STOX2: variants seen among roughly 807,000 people sequenced by gnomAD.
STOX2 encodes the protein storkhead box 2.
Under a neutral mutation model 60.9 loss-of-function variants are expected in STOX2, and 28 were observed. That is an observed-to-expected ratio of 0.46 (90% confidence interval 0.34 to 0.63). The LOEUF is 0.63. Among genes scored for constraint, STOX2 ranks in the 30% least tolerant of loss-of-function variants. The pLI is 0.01. For synonymous variants in STOX2, 472 were observed against 463.9 expected (o/e 1.02, Z -0.22); for missense variants, 1,024 against 1,187.7 (o/e 0.86, Z 2.03).
chr4:183,878,253 G>GT (rs1005449115), intron 1 of STOX2, among the ~76,000 whole-genome samples: 1 of 152,172 alleles, frequency 6.6e-6, no homozygotes, highest in African/African-American at 2.4e-5. Context: ...CAGTGAACCT[G>GT]CCTGGTAAAG....
At chr4:183,884,848 G>A (rs1301128044) in intron 1 of STOX2, among the ~76,000 whole-genome samples, 1 of 152,136 alleles carries the variant, frequency 6.6e-6, no homozygotes, top group East Asian at 1.9e-4. Context: ...TGGGATCCCG[G>A]GAGTGAGAAT....
At chr4:183,905,154 G>C (rs1741551469), upstream of STOX2, among the ~76,000 whole-genome samples, 1 of 152,238 alleles carries the variant, frequency 6.6e-6, no homozygotes, top group African/African-American at 2.4e-5. Flanking sequence ...GTCGGGGTTA[G>C]CAGCAACGTG....
chr4:183,971,725 T>C (rs1389013123), intron 1 of STOX2, among the ~76,000 whole-genome samples: 1 of 152,230 alleles, frequency 6.6e-6, no homozygotes, highest in Non-Finnish European at 1.5e-5. Context: ...GCAGCAGTCC[T>C]AAAATAAAAG....
At chr4:183,881,460 C>CCT (rs879681101) in intron 1 of STOX2, among the ~76,000 whole-genome samples, 13 of 152,150 alleles carry the variant, frequency 8.5e-5, no homozygotes, top group Non-Finnish European at 1.9e-4. Context: ...TGAGATTGCA[C>CCT]CACTGCACTT....
intron 3 of STOX2, chr4:184,014,450 C>T (rs6810667): frequency 0.32 from 48,089 of 151,726 alleles, 8,212 homozygotes; most frequent in East Asian, 0.63. Context: ...GTGCTGTAGA[C>T]GCCTGGGGCC....
intron 1 of STOX2, among the ~76,000 whole-genome samples, chr4:183,968,815 G>A (rs1743657634): frequency 6.6e-6 from 1 of 152,112 alleles, no homozygotes; most frequent in Non-Finnish European, 1.5e-5. Flanking sequence ...TGGATAGAAA[G>A]GATAGAAGGT....
At chr4:183,963,545 G>A (rs1298668208) in intron 1 of STOX2, among the ~76,000 whole-genome samples, 2 of 151,034 alleles carry the variant, frequency 1.3e-5, no homozygotes, top group Non-Finnish European at 2.9e-5. Flanking sequence ...TCATGCCTCA[G>A]CCTCCTGAGT....
chr4:183,802,916 C>T (rs979379645), intron 1 of STOX2, among the ~76,000 whole-genome samples: 3 of 152,188 alleles, frequency 2.0e-5, no homozygotes, highest in Non-Finnish European at 4.4e-5. Flanking sequence ...CCACCGCACC[C>T]GGCCCGTATC....
At chr4:183,844,212 A>G (rs1739934536) in intron 1 of STOX2, among the ~76,000 whole-genome samples, 1 of 152,130 alleles carries the variant, frequency 6.6e-6, no homozygotes, top group South Asian at 2.1e-4. Context: ...CCAACCCTTA[A>G]CACTGTCTTG....
intron 1 of STOX2, among the ~76,000 whole-genome samples, chr4:183,949,008 A>C (rs962839931): frequency 6.6e-6 from 1 of 152,168 alleles, no homozygotes; most frequent in Non-Finnish European, 1.5e-5. Context: ...TAATTCCTGG[A>C]GACTATAAGA....
At chr4:183,955,613 C>T (rs1186806660) in intron 1 of STOX2, among the ~76,000 whole-genome samples, 1 of 152,162 alleles carries the variant, frequency 6.6e-6, no homozygotes, top group Non-Finnish European at 1.5e-5. Flanking sequence ...GTTGGATCCT[C>T]TGTCTTCTAG....
chr4:183,824,928 T>C (rs949552588), intron 1 of STOX2, among the ~76,000 whole-genome samples: 3 of 152,162 alleles, frequency 2.0e-5, no homozygotes, highest in Non-Finnish European at 2.9e-5. Context: ...TAGAGTTCAA[T>C]TGTGACCCTT....
chr4:183,819,233 G>A (rs545959852), intron 1 of STOX2, among the ~76,000 whole-genome samples: 18 of 152,132 alleles, frequency 1.2e-4, no homozygotes, highest in South Asian at 6.2e-4. Context: ...AGATCACGCC[G>A]CTGCACTCCA....
At chr4:183,938,576 G>A (rs111667095) in intron 1 of STOX2, among the ~76,000 whole-genome samples, 3 of 149,454 alleles carry the variant, frequency 2.0e-5, no homozygotes, top group African/African-American at 7.4e-5. Context: ...GGCGGAGGCA[G>A]GAGAATTGCT....
Position 184,011,158 on chromosome 4 carries a change from TACA to T in STOX2, c.2323_2325del (p.Asn775del). 6.3e-7 allele frequency: 1 copy of T among 1,581,028 alleles called. No individual in the cohort carries two copies. ...GAACCAGGAAGCCTCTTTTGACTAT[TACA>T]ACGTCTCTGATGATGACGACTCTGA... is the stretch of plus-strand genomic sequence containing the variant. On this transcript the variant is annotated inframe_deletion, in exon 3 of 4. Transcript: ENST00000308497. This position sits in a 1 kb window ranked among gnomAD's most constrained non-coding sequence, Gnocchi z 4.4.
intron 1 of STOX2, among the ~76,000 whole-genome samples, chr4:183,990,001 G>T (rs570042317): frequency 2.0e-5 from 3 of 152,210 alleles, no homozygotes; most frequent in African/African-American, 7.2e-5. Flanking sequence ...CTTTCTCTTC[G>T]CAGTCACATC....
chr4:183,799,425 A>G (rs1040005517), intron 1 of STOX2, among the ~76,000 whole-genome samples: 2 of 152,260 alleles, frequency 1.3e-5, no homozygotes, highest in Non-Finnish European at 2.9e-5. Context: ...GGACGTAAGG[A>G]TATACGTAGT....
At chr4:183,970,176 GTGTGT>G (rs1743701174) in intron 1 of STOX2, among the ~76,000 whole-genome samples, 1 of 140,794 alleles carries the variant, frequency 7.1e-6, no homozygotes, top group African/African-American at 2.6e-5. Flanking sequence ...GTGTGTGTGT[GTGTGT>G]GGGGTTCCAG....
chr4:183,850,794 T>C (rs1411399082), intron 1 of STOX2, among the ~76,000 whole-genome samples: 1 of 150,300 alleles, frequency 6.7e-6, no homozygotes, highest in African/African-American at 2.5e-5. Flanking sequence ...TCTTTCATCA[T>C]GTGACAAATG....
Sources: allele counts gnomAD v4.1 joint callset (sites outside exome capture counted in the v4.1 genomes callset), GRCh38; gene constraint gnomAD v4.1.1; non-coding constraint Gnocchi (gnomAD v3.1); transcripts MANE v1.5; gene names NCBI Gene and HGNC (gene_info 2026-07-23, HGNC 2026-07-21).